Variants in CTNNA2 observed in about 807,000 individuals in gnomAD.
CTNNA2 encodes the protein catenin alpha-2.
In CTNNA2, 42 loss-of-function variants were observed where a neutral mutation model predicts 101.0. The ratio of observed to expected loss-of-function variants is 0.42; its 90% CI spans 0.32 to 0.54. CTNNA2 has a LOEUF of 0.54. CTNNA2 is among the 20% of genes least tolerant of loss of function. CTNNA2 has a pLI of 0.14. For missense variants in CTNNA2, 871 were observed against 1,223.1 expected (o/e 0.71, Z 4.29); for synonymous variants, 450 against 456.4 (o/e 0.99, Z 0.18).
chr2:80,141,032 T>C (rs948659552), intron 7 of CTNNA2, among the ~76,000 whole-genome samples: 1 of 152,120 alleles, frequency 6.6e-6, no homozygotes, highest in Non-Finnish European at 1.5e-5. Flanking sequence ...CCCTCCTTTT[T>C]AAAAATGTAT....
At chr2:80,074,950 T>C (rs1698579666) in intron 7 of CTNNA2, among the ~76,000 whole-genome samples, 1 of 152,214 alleles carries the variant, frequency 6.6e-6, no homozygotes, top group African/African-American at 2.4e-5. Flanking sequence ...ACAGACAATT[T>C]GTCAATTAGG....
At chr2:79,258,033 G>C (rs1217140963) in intron 2 of CTNNA2, among the ~76,000 whole-genome samples, 4 of 152,112 alleles carry the variant, frequency 2.6e-5, no homozygotes, top group African/African-American at 9.7e-5. Context: ...ACCAGGAGAA[G>C]AGTCATTCTG....
At chr2:80,518,719 T>C (rs772031567) in intron 9 of CTNNA2, among the ~76,000 whole-genome samples, 29 of 152,170 alleles carry the variant, frequency 1.9e-4, no homozygotes, top group African/African-American at 7.0e-4. Context: ...TTCTTGACTA[T>C]TTATATGAGT....
chr2:80,333,865 C>T (rs1250441841), intron 7 of CTNNA2, among the ~76,000 whole-genome samples: 1 of 152,150 alleles, frequency 6.6e-6, no homozygotes, highest in East Asian at 1.9e-4. Flanking sequence ...TCAAGTGATC[C>T]GCCTGTCTCA....
At chr2:80,490,787 C>T (rs1687002032) in intron 9 of CTNNA2, among the ~76,000 whole-genome samples, 1 of 152,136 alleles carries the variant, frequency 6.6e-6, no homozygotes, top group Non-Finnish European at 1.5e-5. Flanking sequence ...TTGCTGCTAA[C>T]CTGATTTGTC....
chr2:80,335,696 T>C (rs377591721), intron 7 of CTNNA2, among the ~76,000 whole-genome samples: 13 of 152,320 alleles, frequency 8.5e-5, no homozygotes, highest in South Asian at 2.1e-4. Flanking sequence ...AGCTTTCCAA[T>C]TGGTAAAATG....
At chr2:79,772,706 G>A (rs995363560) in intron 3 of CTNNA2, among the ~76,000 whole-genome samples, 1 of 152,058 alleles carries the variant, frequency 6.6e-6, no homozygotes, top group African/African-American at 2.4e-5. Flanking sequence ...AGAGTAGCTA[G>A]GACCACAGGC....
chr2:79,579,754 A>G (rs1676032789), intron 1 of CTNNA2, among the ~76,000 whole-genome samples: 1 of 152,066 alleles, frequency 6.6e-6, no homozygotes, highest in Non-Finnish European at 1.5e-5. Flanking sequence ...AGCTGGGATT[A>G]CAGGCATGTA....
In CTNNA2 at chr2:80,556,902, G is replaced by A. The variant is rs145102286; in HGVS notation, c.1741+1009G>A. 1.2e-3 allele frequency among the ~76,000 whole-genome samples: 176 copies of A among 152,224 alleles called. 1 individual carries two copies. The highest frequency in any genetic ancestry group is 3.9e-3 in the African/African-American group (160 of 41,536). On this transcript the variant is annotated intron_variant, in intron 12 of 18. Coordinates refer to ENST00000402739, the MANE Select transcript of CTNNA2 (RefSeq NM_001282597.3). Reference sequence around the variant, plus strand: ...GCCTATGAGCTTTGGATGCCACCAGGCATTTTTAAAATAGCCATCTCTGAA... The same window carrying A: ...GCCTATGAGCTTTGGATGCCACCAGACATTTTTAAAATAGCCATCTCTGAA...
intron 2 of CTNNA2, among the ~76,000 whole-genome samples, chr2:79,740,263 G>A (rs1268909107): frequency 6.6e-6 from 1 of 152,108 alleles, no homozygotes; most frequent in Non-Finnish European, 1.5e-5. Flanking sequence ...AGAACATGCA[G>A]TATTCGATTT....
At chr2:79,298,491 A>T (rs1271754842) in intron 2 of CTNNA2, among the ~76,000 whole-genome samples, 2 of 152,054 alleles carry the variant, frequency 1.3e-5, no homozygotes, top group African/African-American at 4.8e-5. Context: ...CCCCCCAAAA[A>T]TCTGGGTTAT....
Position 79,602,537 on chromosome 2 carries a change from A to C in CTNNA2, c.-5-49015A>C, listed in dbSNP as rs73938734. The stretch of plus-strand genomic sequence containing the variant: ...CATGATAGTGATACGTGGAAAAGAA[A>C]ATTATAAGAATTAGAAGCAAAAAGT... On this transcript the variant is annotated intron_variant, in intron 1 of 18. Coordinates refer to ENST00000402739, the MANE Select transcript of CTNNA2 (RefSeq NM_001282597.3). Among the ~76,000 whole-genome samples the C allele has an allele frequency of 7.9e-3, 1,201 of 152,280 alleles. 13 individuals are homozygous for C. The highest frequency in any genetic ancestry group is 0.027 in the African/African-American group (1,137 of 41,570).
chr2:79,502,501 T>C (rs866291876), intron 4 of CTNNA2, among the ~76,000 whole-genome samples: 1 of 152,126 alleles, frequency 6.6e-6, no homozygotes. Context: ...TTTTGAGAAA[T>C]GCATTAGTGA....
At position 80,287,899 on chromosome 2, in the gene CTNNA2, A is replaced by G. The variant is rs138232872; in HGVS notation, c.1057-105312A>G. Among the ~76,000 whole-genome samples, 20 of 152,334 alleles carry G rather than the reference A, an allele frequency of 1.3e-4. No individual in the cohort carries two copies. The East Asian group carries it at 3.9e-3, about 29-fold the overall frequency. ...TGCATTAACCTGCTCAAAGTTCAGC[A>G]CCAGGTAAAGGCATTGCATTTACTT... On this transcript the variant is annotated intron_variant, in intron 7 of 18. Coordinates refer to ENST00000402739, the MANE Select transcript of CTNNA2 (RefSeq NM_001282597.3).
chr2:80,283,395 T>C (rs960382995), intron 7 of CTNNA2, among the ~76,000 whole-genome samples: 2 of 152,160 alleles, frequency 1.3e-5, no homozygotes, highest in Admixed American at 6.6e-5. Flanking sequence ...AAATTGTATA[T>C]ATGTATTGAA....
rs1371688991 is a variant in CTNNA2 at position 79,515,579 on chromosome 2, A to G, written c.-6+2372A>G. 2.6e-4 allele frequency among the ~76,000 whole-genome samples: 40 copies of G among 152,214 alleles called. 1 individual carries two copies. Among genetic ancestry groups the G allele is most frequent in the Admixed American group, 2.6e-3 (40 of 15,284 alleles). ...TTGCCTCCTTTGTAAACATTAGTCC[A>G]CTGAGTGGAAACAAAACATACCAAG... On this transcript the variant is annotated intron_variant, in intron 1 of 18. Coordinates refer to ENST00000402739, the MANE Select transcript of CTNNA2 (RefSeq NM_001282597.3).
At chr2:80,077,572 G>A in intron 7 of CTNNA2, among the ~76,000 whole-genome samples, 1 of 146,166 alleles carries the variant, frequency 6.8e-6, no homozygotes, top group East Asian at 2.0e-4. Context: ...AACAAAGTGA[G>A]ACCCTGTCTC....
At position 79,640,869 on chromosome 2, in the gene CTNNA2, T is replaced by A. The variant is rs1006482271; in HGVS notation, c.-5-10683T>A. Among the ~76,000 whole-genome samples, 3 of 152,206 alleles carry A rather than the reference T, an allele frequency of 2.0e-5. No individual in the cohort carries two copies. The South Asian group carries it at 6.2e-4, about 32-fold the overall frequency. ...TATAACCTGGTGGGTTATGTCAAACTAATGTCAATTTCTTAATGAGCCAGT... is the reference window on the plus strand; with the variant it reads ...TATAACCTGGTGGGTTATGTCAAACAAATGTCAATTTCTTAATGAGCCAGT... On this transcript the variant is annotated intron_variant, in intron 1 of 18. Transcript: ENST00000402739.
At chr2:80,017,355 T>C (rs1019561858) in intron 7 of CTNNA2, among the ~76,000 whole-genome samples, 2 of 152,080 alleles carry the variant, frequency 1.3e-5, no homozygotes, top group African/African-American at 4.8e-5. Flanking sequence ...AAACAAATGG[T>C]AGTTCTTCCT....
Sources: gnomAD v4.1 joint callset for allele counts (sites outside exome capture counted in the v4.1 genomes callset) on GRCh38, gnomAD v4.1.1 for gene constraint, MANE v1.5 for transcripts, NCBI Gene and HGNC (gene_info 2026-07-23, HGNC 2026-07-21) for gene names.